LYPD6: variants seen among roughly 807,000 people sequenced by gnomAD.
LYPD6 encodes ly6/PLAUR domain-containing protein 6.
A neutral mutation model predicts 22.7 loss-of-function variants in LYPD6; 15 were observed. That is an observed-to-expected ratio of 0.66 (90% confidence interval 0.44 to 1.02). The LOEUF (loss-of-function observed/expected upper bound fraction) is 1.02. LYPD6 is among the 50% of genes least tolerant of loss of function. The pLI is 0.00. For synonymous variants in LYPD6, 72 were observed against 77.5 expected (o/e 0.93, Z 0.37); for missense variants, 189 against 208.4 (o/e 0.91, Z 0.57).
intron 1 of LYPD6, among the ~76,000 whole-genome samples, chr2:149,375,327 T>C (rs1274611781): frequency 6.6e-6 from 1 of 152,150 alleles, no homozygotes; most frequent in African/African-American, 2.4e-5. Flanking sequence ...GATGAAGTCA[T>C]GGACTGTGGG....
intron 1 of LYPD6, among the ~76,000 whole-genome samples, chr2:149,418,031 T>A (rs1164057132): frequency 2.0e-5 from 3 of 152,192 alleles, no homozygotes; most frequent in African/African-American, 7.2e-5. Flanking sequence ...GGAGGAGAAA[T>A]GCTTTGTTCA....
At chr2:149,348,873 G>C (rs878907152) in intron 1 of LYPD6, among the ~76,000 whole-genome samples, 1 of 152,198 alleles carries the variant, frequency 6.6e-6, no homozygotes, top group Admixed American at 6.5e-5. Flanking sequence ...GATCTGGGTG[G>C]TTGCAGTGGA....
rs181027600 is a variant in LYPD6 at position 149,371,866 on chromosome 2, G to C, written c.-72+41144G>C. ...TACTCCTATTTAATCCTGATTTTAG[G>C]CCTAGAAATTCTCTGCTTGATCTGA... On this transcript the variant is annotated intron_variant, in intron 1 of 4. Coordinates refer to ENST00000334166, the MANE Select transcript of LYPD6 (RefSeq NM_194317.5). 8.5e-4 allele frequency among the ~76,000 whole-genome samples: 130 copies of C among 152,158 alleles called. 1 individual carries two copies. The East Asian group carries it at 0.019, about 22-fold the overall frequency.
At chr2:149,486,229 G>T in the LYPD6 span, among the ~76,000 whole-genome samples, 1 of 152,124 alleles carries the variant, frequency 6.6e-6, no homozygotes, top group African/African-American at 2.4e-5. Flanking sequence ...TGAACTATGT[G>T]ATTATTAATG....
chr2:149,407,970 A>T (rs1381479105), intron 1 of LYPD6, among the ~76,000 whole-genome samples: 2 of 152,178 alleles, frequency 1.3e-5, no homozygotes, highest in African/African-American at 4.8e-5. Flanking sequence ...CTTCAGCTGC[A>T]GGTCTGTTGG....
intron 1 of LYPD6, among the ~76,000 whole-genome samples, chr2:149,335,282 G>A (rs1464451529): frequency 1.3e-5 from 2 of 152,018 alleles, no homozygotes; most frequent in Non-Finnish European, 2.9e-5. Flanking sequence ...ATGTGGTGGT[G>A]GAAGACAGTG....
intron 1 of LYPD6, among the ~76,000 whole-genome samples, chr2:149,392,307 G>A (rs1356754559): frequency 6.6e-6 from 1 of 152,216 alleles, no homozygotes; most frequent in Non-Finnish European, 1.5e-5. Context: ...ATAGCATAAT[G>A]GTGGAGAGGT....
At chr2:149,377,758 C>T (rs893941336) in intron 1 of LYPD6, among the ~76,000 whole-genome samples, 22 of 150,146 alleles carry the variant, frequency 1.5e-4, no homozygotes, top group East Asian at 7.9e-4. Flanking sequence ...CCAGCCTGGA[C>T]GACAGAGCGA....
intron 1 of LYPD6, among the ~76,000 whole-genome samples, chr2:149,360,090 A>G (rs1681542734): frequency 6.6e-6 from 1 of 152,120 alleles, no homozygotes; most frequent in Non-Finnish European, 1.5e-5. Flanking sequence ...AGACCATATA[A>G]AGTAACTTCC....
At chr2:149,476,928 A>G (rs1681456968), downstream of LYPD6, among the ~76,000 whole-genome samples, 1 of 152,154 alleles carries the variant, frequency 6.6e-6, no homozygotes, top group African/African-American at 2.4e-5. Context: ...AACCCACATC[A>G]CACAGTGGCG....
At chr2:149,348,306 A>C (rs574185532) in intron 1 of LYPD6, among the ~76,000 whole-genome samples, 50 of 152,316 alleles carry the variant, frequency 3.3e-4, no homozygotes, top group Non-Finnish European at 5.0e-4. Flanking sequence ...GCAGAAAATA[A>C]GGAAATAAAT....
chr2:149,449,026 TTTCTC>T lies in LYPD6; in HGVS notation c.119-20_119-16del, dbSNP rs777757191. On this transcript the variant is annotated intron_variant, in intron 2 of 4. Transcript: ENST00000334166. ...CTGTGCCTTGTCTAAAAATTAATCT[TTTCTC>T]TTAATCCTTTTTTTTAGCCACACCA... 29 of 1,557,110 alleles carry T rather than the reference TTTCTC, an allele frequency of 1.9e-5. No homozygotes were observed. In the South Asian group the frequency reaches 2.2e-4, roughly 12 times the overall value.
At chr2:149,379,365 A>G (rs2105085572) in intron 1 of LYPD6, among the ~76,000 whole-genome samples, 1 of 152,332 alleles carries the variant, frequency 6.6e-6, no homozygotes, top group Middle Eastern at 3.4e-3. Context: ...AAACCTTTGG[A>G]AGCCTGAGGT....
At chr2:149,367,973 C>T (rs540946204) in intron 1 of LYPD6, 69 of 152,158 alleles carry the variant, frequency 4.5e-4, no homozygotes, top group African/African-American at 1.6e-3. Flanking sequence ...TTTTTTGAAT[C>T]GCAGGTACCG....
At chr2:149,392,357 G>A (rs759980966) in intron 1 of LYPD6, among the ~76,000 whole-genome samples, 33 of 152,148 alleles carry the variant, frequency 2.2e-4, no homozygotes, top group Admixed American at 1.2e-3. Context: ...GGATGGTCAG[G>A]GCAAGTGTGT....
At position 149,472,902 on chromosome 2, in the gene LYPD6, A is replaced by T. The variant is rs538418614; in HGVS notation, c.*2052A>T. On this transcript the variant is annotated 3_prime_UTR_variant, in exon 5 of 5. Transcript: ENST00000334166. Reference sequence around the variant, plus strand: ...AGACTTTCAGGCCTGACTTCATAGGAATTCATCCATCTTATCATGTGGAGT... The same window carrying T: ...AGACTTTCAGGCCTGACTTCATAGGTATTCATCCATCTTATCATGTGGAGT... The T allele has an allele frequency of 2.0e-5, 3 of 152,572 alleles. No homozygotes were observed. Among genetic ancestry groups the T allele is most frequent in the African/African-American group, 7.2e-5 (3 of 41,440 alleles). 9.5% of individuals were successfully genotyped at this position (152,572 alleles called of 1,614,324 possible).
intron 1 of LYPD6, among the ~76,000 whole-genome samples, chr2:149,371,339 C>T (rs1284088447): frequency 6.6e-6 from 1 of 152,170 alleles, no homozygotes; most frequent in East Asian, 1.9e-4. Flanking sequence ...GGTTTTCTTC[C>T]ATGCATCTTT....
chr2:149,477,986 T>C (rs1201196082), downstream of LYPD6, among the ~76,000 whole-genome samples: 1 of 152,176 alleles, frequency 6.6e-6, no homozygotes, highest in Non-Finnish European at 1.5e-5. Context: ...GATTAATTTT[T>C]ATAGATTGGT....
chr2:149,380,623 T>C (rs939057502), intron 1 of LYPD6, among the ~76,000 whole-genome samples: 1 of 152,208 alleles, frequency 6.6e-6, no homozygotes, highest in African/African-American at 2.4e-5. Context: ...GTTTTGGACA[T>C]TGAAAGTTTT....
Sources: gnomAD v4.1 joint callset for allele counts (sites outside exome capture counted in the v4.1 genomes callset) on GRCh38, gnomAD v4.1.1 for gene constraint, MANE v1.5 for transcripts, NCBI Gene and HGNC (gene_info 2026-07-23, HGNC 2026-07-21) for gene names.